The following PCDH11X variants were observed in gnomAD, a reference collection of about 807,000 sequenced individuals.
PCDH11X encodes protocadherin-11 X-linked.
A neutral mutation model predicts 53.3 loss-of-function variants in PCDH11X; 18 were observed. The observed-to-expected ratio is 0.34, with a 90% CI of 0.23 to 0.50. The LOEUF is 0.50. Among genes scored for constraint, PCDH11X ranks in the 20% least tolerant of loss-of-function variants. The pLI, the probability that PCDH11X is intolerant of heterozygous loss-of-function variation, is 0.98. For missense variants in PCDH11X, 570 were observed against 1,032.4 expected, an observed-to-expected ratio of 0.55 and a Z score of 6.14; for synonymous variants, 279 against 393.3, an observed-to-expected ratio of 0.71 and a Z score of 3.44.
intron 8 of PCDH11X, among the ~76,000 whole-genome samples, chrX:92,285,860 C>T (rs781107773): frequency 3.6e-4 from 40 of 111,042 alleles, no homozygotes; most frequent in Admixed American, 2.2e-3. Context: ...TTATTGACAG[C>T]GAGCCAGTGA....
chrX:92,606,477 A>C (rs1338606535), intron 10 of PCDH11X, among the ~76,000 whole-genome samples: 1 of 107,074 alleles, frequency 9.3e-6, no homozygotes, highest in Non-Finnish European at 1.9e-5. Flanking sequence ...CCACATGCAA[A>C]AGGATAATTT....
intron 8 of PCDH11X, among the ~76,000 whole-genome samples, chrX:92,323,762 C>A (rs2069265571): frequency 9.1e-6 from 1 of 110,478 alleles, no homozygotes; most frequent in African/African-American, 3.3e-5. Flanking sequence ...CCCTCTGATA[C>A]ATTTGCAATC....
chrX:91,995,756 C>A (rs1387828504), intron 6 of PCDH11X, among the ~76,000 whole-genome samples: 1 of 110,631 alleles, frequency 9.0e-6, no homozygotes, highest in African/African-American at 3.3e-5. Context: ...TGTATTAAAT[C>A]TGTACATTGC....
intron 6 of PCDH11X, among the ~76,000 whole-genome samples, chrX:92,199,592 C>T (rs531772122): frequency 1.8e-5 from 2 of 110,794 alleles, no homozygotes; most frequent in South Asian, 7.6e-4. Context: ...ACTTGCATTA[C>T]AGTTAGGTCT....
intron 8 of PCDH11X, among the ~76,000 whole-genome samples, chrX:92,276,585 G>A (rs2148436635): frequency 9.0e-6 from 1 of 111,081 alleles, no homozygotes; most frequent in East Asian, 2.9e-4. Flanking sequence ...CAGGCATTTG[G>A]AAGTTCTTGT....
intron 7 of PCDH11X, among the ~76,000 whole-genome samples, chrX:92,260,314 G>C (rs1200616394): frequency 9.0e-6 from 1 of 111,017 alleles, no homozygotes; most frequent in Non-Finnish European, 1.9e-5. Context: ...TGGTTTAAAT[G>C]CTCCCTCTGT....
intron 6 of PCDH11X, among the ~76,000 whole-genome samples, chrX:91,981,106 A>G (rs1180976082): frequency 9.7e-6 from 1 of 103,207 alleles, no homozygotes; most frequent in African/African-American, 3.5e-5. Flanking sequence ...ATATATAAAT[A>G]TATATATATA....
intron 8 of PCDH11X, among the ~76,000 whole-genome samples, chrX:92,274,113 C>T (rs765824463): frequency 9.8e-6 from 1 of 102,468 alleles, no homozygotes; most frequent in African/African-American, 3.7e-5. Context: ...GGTCTGGTGT[C>T]GAATGAGACT....
chrX:92,562,548 G>A (rs960220311), intron 10 of PCDH11X, among the ~76,000 whole-genome samples: 1 of 105,603 alleles, frequency 9.5e-6, no homozygotes, highest in African/African-American at 3.4e-5. Context: ...TGGCCAGGCT[G>A]AAAAATTTTC....
At chrX:91,859,087 A>T (rs1228456736) in intron 5 of PCDH11X, among the ~76,000 whole-genome samples, 1 of 110,033 alleles carries the variant, frequency 9.1e-6, no homozygotes, top group Non-Finnish European at 1.9e-5. Context: ...TTACAACAAC[A>T]GTGTAAAAGC....
At chrX:92,188,949 A>G (rs773581661) in intron 6 of PCDH11X, among the ~76,000 whole-genome samples, 20 of 111,809 alleles carry the variant, frequency 1.8e-4, no homozygotes, top group African/African-American at 6.2e-4. Flanking sequence ...AATATAGTCA[A>G]ATTTGATTAG....
At chrX:92,369,187 G>C (rs1271823152) in intron 8 of PCDH11X, among the ~76,000 whole-genome samples, 1 of 108,923 alleles carries the variant, frequency 9.2e-6, no homozygotes, top group Non-Finnish European at 1.9e-5. Flanking sequence ...GACTGGGGCT[G>C]TTGCCTTTCC....
intron 10 of PCDH11X, among the ~76,000 whole-genome samples, chrX:92,475,744 TTTTA>T (rs2073368880): frequency 1.8e-5 from 2 of 112,089 alleles, no homozygotes; most frequent in Admixed American, 1.9e-4. Flanking sequence ...GGAAGTTCTC[TTTTA>T]TTATTTCTTT....
rs781561615 is a variant in PCDH11X, at chrX:92,206,617, C to G, written c.3114+5162C>G. On this transcript the variant is annotated intron_variant, in intron 7 of 10. Transcript: ENST00000682573. ...TCTCGGCTCACTGTAACCTCTGCCCCCTGAGTTCAAGTGATTCTCCTGCCT... is the reference window on the plus strand; with the variant it reads ...TCTCGGCTCACTGTAACCTCTGCCCGCTGAGTTCAAGTGATTCTCCTGCCT... Among the ~76,000 whole-genome samples the G allele has an allele frequency of 3.6e-5, 4 of 110,772 alleles. No individual in the cohort carries two copies. In the East Asian group the frequency reaches 8.5e-4, roughly 24 times the overall value.
At chrX:92,596,434 A>T (rs1320881578) in intron 10 of PCDH11X, among the ~76,000 whole-genome samples, 1 of 106,675 alleles carries the variant, frequency 9.4e-6, no homozygotes, top group South Asian at 4.2e-4. Flanking sequence ...ATGAGGAACT[A>T]TATGCCAAAA....
intron 6 of PCDH11X, among the ~76,000 whole-genome samples, chrX:92,089,540 G>A (rs1175071729): frequency 9.2e-6 from 1 of 108,857 alleles, no homozygotes; most frequent in Non-Finnish European, 1.9e-5. Context: ...TTTTCTTTTT[G>A]AGATGGAGTT....
At chrX:92,130,858 C>G (rs1184661666) in intron 6 of PCDH11X, among the ~76,000 whole-genome samples, 1 of 109,927 alleles carries the variant, frequency 9.1e-6, no homozygotes, top group Admixed American at 9.9e-5. Flanking sequence ...ACTCGACATT[C>G]TTTTTATGGT....
chrX:92,215,896 C>T (rs953104407), intron 7 of PCDH11X, among the ~76,000 whole-genome samples: 20 of 109,834 alleles, frequency 1.8e-4, no homozygotes, highest in Middle Eastern at 4.7e-3. Context: ...TCGCGGTTCA[C>T]GAAAATCCGT....
chrX:92,097,042 GA>G (rs2148127777), intron 6 of PCDH11X, among the ~76,000 whole-genome samples: 1 of 111,717 alleles, frequency 9.0e-6, no homozygotes, highest in African/African-American at 3.2e-5. Context: ...TAGCTAATAA[GA>G]AGGTATAAAC....
Sources: gnomAD v4.1 joint callset for allele counts (sites outside exome capture counted in the v4.1 genomes callset) on GRCh38, gnomAD v4.1.1 for gene constraint, MANE v1.5 for transcripts, NCBI Gene and HGNC (gene_info 2026-07-23, HGNC 2026-07-21) for gene names.